The following XRCC5 variants were observed in gnomAD, a reference collection of about 807,000 sequenced individuals.
XRCC5 encodes the protein DNA repair protein Ku80.
XRCC5 carries 12 observed loss-of-function variants against 95.7 expected under a neutral mutation model. The ratio of observed to expected loss-of-function variants is 0.13; its 90% CI spans 0.08 to 0.20. The LOEUF (loss-of-function observed/expected upper bound fraction) is 0.20. Among genes scored for constraint, XRCC5 ranks in the 10% least tolerant of loss-of-function variants. XRCC5 has a pLI of 1.00. For synonymous variants in XRCC5, 281 were observed against 290.3 expected, an observed-to-expected ratio of 0.97 and a Z score of 0.33; for missense variants, 595 against 873.9, an observed-to-expected ratio of 0.68 and a Z score of 4.02.
intron 2 of XRCC5, among the ~76,000 whole-genome samples, chr2:216,116,155 GT>G (rs1206861522): frequency 1.3e-5 from 2 of 152,002 alleles, no homozygotes; most frequent in African/African-American, 4.8e-5. Context: ...TTTGCTTCCA[GT>G]TTTTGCCCTA....
At chr2:216,127,405 G>A in intron 7 of XRCC5, 131 bp from the exon 8 acceptor site, 1 of 1,062,828 alleles carries the variant, frequency 9.4e-7, no homozygotes, top group Non-Finnish European at 1.3e-6. Context: ...ATAGGCATGA[G>A]CAAACAAAAT....
intron 13 of XRCC5, among the ~76,000 whole-genome samples, chr2:216,142,499 G>A (rs529647516): frequency 6.6e-6 from 1 of 152,250 alleles, no homozygotes; most frequent in East Asian, 1.9e-4. Context: ...GCTGAGGAAG[G>A]GGAGGGCTAG....
intron 18 of XRCC5, 45 bp from the exon 19 acceptor site, chr2:216,194,874 G>T: frequency 1.3e-6 from 2 of 1,592,188 alleles, no homozygotes; most frequent in Non-Finnish European, 1.7e-6. Flanking sequence ...TGGGATTGGG[G>T]TTGATTCTTT....
rs370129879 is a variant in XRCC5, at chr2:216,141,275, C to G, written c.1432C>G (p.Pro478Ala). The change falls in exon 13 of 21, where the codon CCA (proline) becomes GCA (alanine). Residue 478 changes from proline (P) to alanine (A), a missense_variant. Physicochemically the swap from Pro to Ala is conservative, Grantham distance 27. This residue lies in a region of XRCC5 where 309 missense variants were observed against 382.9 expected (regional missense o/e 0.81). Coordinates refer to ENST00000392132, the MANE Select transcript of XRCC5 (RefSeq NM_021141.4). ...GACAGACACCCTTGAAGACTTGTTT[C>G]CAACCACCAAAATCCCAAATCCTCG... ...EKTDTLEDLF[P>A]TTKIPNPRFQ... 17 of 1,613,938 alleles carry G rather than the reference C, an allele frequency of 1.1e-5. No homozygotes were observed. Among genetic ancestry groups the G allele is most frequent in the Non-Finnish European group, 1.4e-5 (17 of 1,179,986 alleles).
At chr2:216,133,928 C>G (rs1396469365) in intron 10 of XRCC5, among the ~76,000 whole-genome samples, 1 of 152,184 alleles carries the variant, frequency 6.6e-6, no homozygotes, top group Non-Finnish European at 1.5e-5. Context: ...CATAATAGCA[C>G]TCTTCATGCA....
chr2:216,204,078 C>T (rs751023450), intron 19 of XRCC5: 18 of 504,284 alleles, frequency 3.6e-5, no homozygotes, highest in Non-Finnish European at 6.5e-5. Flanking sequence ...GTTCTTTCCT[C>T]CCTCTTCGTG....
At chr2:216,121,986 TG>T in intron 5 of XRCC5, 75 bp from the exon 6 acceptor site, 1 of 1,295,998 alleles carries the variant, frequency 7.7e-7, no homozygotes, top group Non-Finnish European at 1.0e-6. Context: ...GGTTGACTGA[TG>T]TGCTCATTTT....
In XRCC5 at chr2:216,127,673, A is replaced by G; in HGVS notation, c.936A>G (p.Gln312=). The change falls in exon 8 of 21, where the codon CAA becomes CAG. Residue 312 remains glutamine, a splice_region_variant and synonymous_variant. Coordinates refer to ENST00000392132, the MANE Select transcript of XRCC5 (RefSeq NM_021141.4). Reference sequence around the variant, plus strand: ...AAGTTTTAAAAGAGGATATTATTCAAGGTATGTCAGTAAGAGTTTTCACTG... The same window carrying G: ...AAGTTTTAAAAGAGGATATTATTCAGGGTATGTCAGTAAGAGTTTTCACTG... ...ETEVLKEDII[Q]GFRYGSDIVP... is the part of the protein sequence containing the mutation. The G allele has an allele frequency of 6.3e-7, 1 of 1,598,036 alleles. No individual in the cohort carries two copies. Among genetic ancestry groups the G allele is most frequent in the Non-Finnish European group, 8.5e-7 (1 of 1,174,864 alleles).
intron 17 of XRCC5, among the ~76,000 whole-genome samples, chr2:216,191,092 G>C (rs1689605361): frequency 6.6e-6 from 1 of 152,178 alleles, no homozygotes; most frequent in East Asian, 1.9e-4. Flanking sequence ...AGATTCAGAA[G>C]TAGATAACCT....
At chr2:216,146,422 A>G (rs1437737848) in intron 13 of XRCC5, among the ~76,000 whole-genome samples, 1 of 152,232 alleles carries the variant, frequency 6.6e-6, no homozygotes, top group Non-Finnish European at 1.5e-5. Context: ...AGGGGATAGT[A>G]TAAATCACAT....
chr2:216,129,820 C>T (rs376714124), intron 8 of XRCC5, among the ~76,000 whole-genome samples: 32 of 152,134 alleles, frequency 2.1e-4, no homozygotes, highest in Middle Eastern at 3.4e-3. Context: ...ACTACAGGCG[C>T]GTGCCACCAT....
At chr2:216,142,088 T>G (rs1697182173) in intron 13 of XRCC5, among the ~76,000 whole-genome samples, 1 of 151,936 alleles carries the variant, frequency 6.6e-6, no homozygotes, top group Non-Finnish European at 1.5e-5. Context: ...CCTAGGCTGG[T>G]CTTTAACTCC....
At chr2:216,167,570 T>TTGTGTGTGTG (rs58499938) in intron 16 of XRCC5, among the ~76,000 whole-genome samples, 91 of 138,498 alleles carry the variant, frequency 6.6e-4, no homozygotes, top group East Asian at 2.6e-3. Context: ...GTGTGTGGGT[T>TTGTGTGTGTG]TGTGTGTGTG....
At chr2:216,184,722 C>T (rs1030250602) in intron 16 of XRCC5, among the ~76,000 whole-genome samples, 1 of 152,236 alleles carries the variant, frequency 6.6e-6, no homozygotes, top group Non-Finnish European at 1.5e-5. Context: ...CTCAGGTGAT[C>T]CGCCCGTCTC....
chr2:216,157,095 C>G (rs1688857602), intron 14 of XRCC5, among the ~76,000 whole-genome samples: 1 of 152,170 alleles, frequency 6.6e-6, no homozygotes, highest in South Asian at 2.1e-4. Context: ...CGCACGCTGC[C>G]TAGAGAAAAC....
intron 13 of XRCC5, among the ~76,000 whole-genome samples, chr2:216,145,670 T>A (rs1688613959): frequency 1.3e-5 from 2 of 152,156 alleles, no homozygotes; most frequent in Admixed American, 1.3e-4. Flanking sequence ...TTTCAGAAAA[T>A]ATGAGAGGGA....
intron 14 of XRCC5, among the ~76,000 whole-genome samples, chr2:216,153,482 T>G (rs1688785613): frequency 6.6e-6 from 1 of 152,354 alleles, no homozygotes; most frequent in East Asian, 1.9e-4. Flanking sequence ...TTCCAAAGAT[T>G]GATATCAAGG....
chr2:216,114,822 G>A (rs1202655131), intron 2 of XRCC5, among the ~76,000 whole-genome samples: 1 of 152,158 alleles, frequency 6.6e-6, no homozygotes, highest in Non-Finnish European at 1.5e-5. Context: ...TGCCTCTGGG[G>A]GCGCTCGACC....
rs145039527 is a variant in XRCC5, at chr2:216,122,753, G to GA, written c.683+513dup. On this transcript the variant is annotated intron_variant, in intron 6 of 20. Transcript: ENST00000392132. ...TGATCACAAAGCAGTTTGATTGAGT[G>GA]AAAAAAAAAAAAACCTGCAATGTAA... Among the ~76,000 whole-genome samples, 1,092 of 132,232 alleles carry GA rather than the reference G, an allele frequency of 8.3e-3. 6 individuals are homozygous for GA. Among genetic ancestry groups the GA allele is most frequent in the Non-Finnish European group, 0.012 (746 of 61,314 alleles). 86.7% of individuals were successfully genotyped at this position (132,232 alleles called of 152,430 possible).
Sources: allele counts gnomAD v4.1 joint callset (sites outside exome capture counted in the v4.1 genomes callset), GRCh38; gene constraint gnomAD v4.1.1; regional missense constraint gnomAD v4.1.1; transcripts MANE v1.5; gene names NCBI Gene and HGNC (gene_info 2026-07-23, HGNC 2026-07-21).